PLIN3: variants seen among roughly 807,000 people sequenced by gnomAD.
The protein encoded by PLIN3 is perilipin 3.
In PLIN3, 30 loss-of-function variants were observed where a neutral mutation model predicts 35.9. The observed-to-expected ratio is 0.84, with a 90% CI of 0.62 to 1.13. The LOEUF is 1.13. Ranked by LOEUF, PLIN3 falls within the 50% of genes most tolerant of loss-of-function variation. The probability of loss-of-function intolerance (pLI) is 0.00; values close to 1 mark genes in which losing one functional copy is unlikely to be tolerated. For synonymous variants in PLIN3, 261 were observed against 262.5 expected (o/e 0.99, Z 0.06); for missense variants, 603 against 596.9 (o/e 1.01, Z -0.11).
intron 5 of PLIN3, among the ~76,000 whole-genome samples, chr19:4,849,542 C>CTAA (rs1186473083): frequency 6.6e-6 from 1 of 152,102 alleles, no homozygotes; most frequent in Non-Finnish European, 1.5e-5. Context: ...CTGGGCTTAA[C>CTAA]TAATCCTCCC....
rs2030333661 is a variant in PLIN3, at chr19:4,852,447, C to A, written c.349-146G>T. On this transcript the variant is annotated intron_variant, in intron 4 of 7. Transcript: ENST00000221957. The stretch of plus-strand genomic sequence containing the variant: ...TCTCCGTCTTCCCTCTGTATGTGGG[C>A]ACCCCTCCCCTGCACCCCAACTTCC... 34 of 967,310 alleles carry A rather than the reference C, an allele frequency of 3.5e-5. No individual in the cohort carries two copies. The South Asian group carries it at 5.7e-4, about 16-fold the overall frequency. The allele number at this position is 967,310 out of a possible 1,614,324, so 59.9% of individuals were successfully genotyped here.
intron 1 of PLIN3, among the ~76,000 whole-genome samples, chr19:4,863,365 C>T (rs113844990): frequency 0.017 from 2,495 of 145,138 alleles, 26 homozygotes; most frequent in Middle Eastern, 0.041. Flanking sequence ...GGCATGGTGG[C>T]GAATGCCTGT....
In PLIN3 at chr19:4,839,084, A is replaced by T; in HGVS notation, c.*108T>A. On this transcript the variant is annotated 3_prime_UTR_variant, in exon 8 of 8. Transcript: ENST00000221957. Reference sequence around the variant, plus strand: ...GCTTCCCAAGTGGACAGCACAGAAGAGCTGGGAGGAGTGGCTAGAAAATAA... The same window carrying T: ...GCTTCCCAAGTGGACAGCACAGAAGTGCTGGGAGGAGTGGCTAGAAAATAA... 1 of 885,038 alleles carries T rather than the reference A, an allele frequency of 1.1e-6. No individual in the cohort carries two copies. The highest frequency in any genetic ancestry group is 1.7e-6 in the Non-Finnish European group (1 of 575,448). 54.8% of individuals were successfully genotyped at this position (885,038 alleles called of 1,614,324 possible). A position where few individuals can be genotyped will look rare whatever the true frequency, so the allele number is the denominator to read the frequency against.
At chr19:4,862,568 C>T (rs764488066) in intron 1 of PLIN3, among the ~76,000 whole-genome samples, 59 of 152,148 alleles carry the variant, frequency 3.9e-4, no homozygotes, top group Non-Finnish European at 8.2e-4. Context: ...TTCTAAAAGG[C>T]TCCCAGGCAG....
chr19:4,859,002 AG>A lies in PLIN3; in HGVS notation c.348+587del, dbSNP rs2030575702. Among the ~76,000 whole-genome samples, 4 of 151,344 alleles carry A rather than the reference AG, an allele frequency of 2.6e-5. No individual in the cohort carries two copies. In the South Asian group the frequency reaches 8.5e-4, roughly 32 times the overall value. On this transcript the variant is annotated intron_variant, in intron 4 of 7. Transcript: ENST00000221957. ...CAGGCATGAGCCACCGCGCCCGGCC[AG>A]GAACATGGTGTTTTGATGTTTTGAC... is the stretch of plus-strand genomic sequence containing the variant.
chr19:4,841,639 C>G (rs1318233229), intron 7 of PLIN3, among the ~76,000 whole-genome samples: 20 of 150,562 alleles, frequency 1.3e-4, no homozygotes, highest in Non-Finnish European at 2.4e-4. Flanking sequence ...GGTGGCTCAC[C>G]CCTGTAATCC....
At chr19:4,848,344 G>A (rs2146202420) in intron 5 of PLIN3, among the ~76,000 whole-genome samples, 1 of 152,284 alleles carries the variant, frequency 6.6e-6, no homozygotes, top group African/African-American at 2.4e-5. Flanking sequence ...TGGGAGCAAA[G>A]GATTCTGCCT....
intron 7 of PLIN3, among the ~76,000 whole-genome samples, chr19:4,843,553 C>T (rs1010862736): frequency 7.0e-5 from 8 of 113,876 alleles, no homozygotes; most frequent in African/African-American, 1.7e-4. Flanking sequence ...GATCTGGGGT[C>T]GGGTGTGGTG....
chr19:4,842,868 A>T (rs2029939639), intron 7 of PLIN3, among the ~76,000 whole-genome samples: 1 of 152,118 alleles, frequency 6.6e-6, no homozygotes, highest in Non-Finnish European at 1.5e-5. Context: ...ATCTTTATGC[A>T]TGTCACTTTT....
intron 5 of PLIN3, among the ~76,000 whole-genome samples, chr19:4,851,169 C>G (rs572210320): frequency 4.5e-4 from 68 of 151,828 alleles, no homozygotes; most frequent in African/African-American, 1.6e-3. Context: ...ATCTCTAAAA[C>G]AAATAAATAA....
chr19:4,844,846 G>C (rs906521579), intron 6 of PLIN3, 53 bp from the exon 7 acceptor site: 1 of 1,513,506 alleles, frequency 6.6e-7, no homozygotes, highest in South Asian at 1.3e-5. Flanking sequence ...GGAGAGACGG[G>C]ATTCCAGAAG....
intron 5 of PLIN3, among the ~76,000 whole-genome samples, chr19:4,849,131 C>T (rs897795531): frequency 6.6e-6 from 1 of 151,714 alleles, no homozygotes; most frequent in Non-Finnish European, 1.5e-5. Context: ...CGGCAAGACA[C>T]CTGGCTAATT....
intron 4 of PLIN3, among the ~76,000 whole-genome samples, chr19:4,855,545 A>G (rs1269635947): frequency 6.6e-6 from 1 of 152,144 alleles, no homozygotes; most frequent in African/African-American, 2.4e-5. Context: ...TAATCCCAGC[A>G]CTTTGGGAAG....
Position 4,844,769 on chromosome 19 carries a change from C to G in PLIN3, c.859G>C (p.Asp287His), listed in dbSNP as rs922289923. 2 of 1,601,274 alleles carry G rather than the reference C, an allele frequency of 1.2e-6. No individual in the cohort carries two copies. Among genetic ancestry groups the G allele is most frequent in the Non-Finnish European group, 1.7e-6 (2 of 1,174,216 alleles). ...TCCTGGCCTTCCACCAGCTTCTGAT[C>G]AACGCCTTGCTTGACAGTTTCCATC... Reference protein sequence around the residue: ...SLMETVKQGVDQKLVEGQEKL... With the variant: ...SLMETVKQGVHQKLVEGQEKL... The change falls in exon 7 of 8, where the codon GAT (aspartate) becomes CAT (histidine). Residue 287 changes from aspartate (D) to histidine (H), a missense_variant. Asp to His is a moderately conservative substitution (Grantham distance 81). Transcript: ENST00000221957.
intron 2 of PLIN3, among the ~76,000 whole-genome samples, chr19:4,860,751 A>G (rs939380011): frequency 3.3e-5 from 5 of 151,954 alleles, no homozygotes; most frequent in African/African-American, 4.8e-5. Flanking sequence ...CGGGTGGGTC[A>G]CTTTGGGTCA....
At chr19:4,844,929 G>C (rs1321669550) in intron 6 of PLIN3, 136 bp from the exon 7 acceptor site, 1 of 1,029,436 alleles carries the variant, frequency 9.7e-7, no homozygotes, top group Non-Finnish European at 1.4e-6. Context: ...AGGGAGGAAG[G>C]GTTTCCTGGC....
At chr19:4,866,104 A>G (rs262561) in intron 1 of PLIN3, among the ~76,000 whole-genome samples, 137,577 of 150,470 alleles carry the variant, frequency 0.91, 62,894 homozygotes, top group East Asian at 0.93. Flanking sequence ...TGTAACCTCC[A>G]TCTCCCAGGT....
At chr19:4,843,782 C>G (rs1044717686) in intron 7 of PLIN3, among the ~76,000 whole-genome samples, 1 of 151,352 alleles carries the variant, frequency 6.6e-6, no homozygotes, top group Non-Finnish European at 1.5e-5. Context: ...GCCACAGTGA[C>G]CTGTGATGGC....
chr19:4,860,251 G>A (rs913596358), intron 2 of PLIN3, among the ~76,000 whole-genome samples: 5 of 151,858 alleles, frequency 3.3e-5, no homozygotes, highest in Admixed American at 2.6e-4. Context: ...CTGTTGCCCG[G>A]GCTGGAGTGC....
Sources: gnomAD v4.1 joint callset for allele counts (sites outside exome capture counted in the v4.1 genomes callset) on GRCh38, gnomAD v4.1.1 for gene constraint, MANE v1.5 for transcripts, NCBI Gene and HGNC (gene_info 2026-07-23, HGNC 2026-07-21) for gene names.